PTPRD: variants seen among roughly 807,000 people sequenced by gnomAD.
PTPRD encodes protein tyrosine phosphatase receptor type D.
PTPRD carries 34 observed loss-of-function variants against 214.5 expected under a neutral mutation model. That is an observed-to-expected ratio of 0.16 (90% CI 0.12 to 0.21). The LOEUF is 0.21. PTPRD is among the 10% of genes least tolerant of loss of function. The pLI, the probability that PTPRD is intolerant of heterozygous loss-of-function variation, is 1.00. For missense variants in PTPRD, 2,545 were observed against 2,398.7 expected (o/e 1.06, Z -1.27); for synonymous variants, 1,128 against 845.7 (o/e 1.33, Z -5.79).
chr9:10,270,339 T>G (rs2475357), intron 3 of PTPRD, among the ~76,000 whole-genome samples: 84,796 of 151,972 alleles, frequency 0.56, 25,404 homozygotes, highest in Non-Finnish European at 0.68. Flanking sequence ...AATAGGATGT[T>G]ATAAGGCAAT....
intron 14 of PTPRD, among the ~76,000 whole-genome samples, chr9:8,607,640 C>T (rs564335061): frequency 2.2e-4 from 33 of 152,002 alleles, no homozygotes; most frequent in African/African-American, 7.7e-4. Context: ...GAGATTCTGT[C>T]TCGGAAAAAA....
intron 10 of PTPRD, among the ~76,000 whole-genome samples, chr9:9,152,860 G>A (rs578057625): frequency 6.6e-6 from 1 of 152,134 alleles, no homozygotes; most frequent in Admixed American, 6.6e-5. Context: ...TAGAATCTTC[G>A]TGAACCAGAA....
At position 8,933,033 on chromosome 9, in the gene PTPRD, C is replaced by T. The variant is rs567188585; in HGVS notation, c.-104+85664G>A. Among the ~76,000 whole-genome samples the T allele has an allele frequency of 9.9e-4, 150 of 152,090 alleles. 1 individual carries two copies. The highest frequency in any genetic ancestry group is 1.8e-3 in the Admixed American group (27 of 15,262). ...AGAGAATCTCCTGGTCTACAGGTTGCGAAGACCATGGGAAAAGCATAGTAT... is the reference window on the plus strand; with the variant it reads ...AGAGAATCTCCTGGTCTACAGGTTGTGAAGACCATGGGAAAAGCATAGTAT... On this transcript the variant is annotated intron_variant, in intron 11 of 45. Coordinates refer to ENST00000381196, the MANE Select transcript of PTPRD (RefSeq NM_002839.4).
intron 11 of PTPRD, among the ~76,000 whole-genome samples, chr9:8,911,912 T>A (rs1280174532): frequency 6.6e-6 from 1 of 152,152 alleles, no homozygotes; most frequent in Non-Finnish European, 1.5e-5. Flanking sequence ...AAATTCTCGC[T>A]TCGTTAGTCA....
rs1404435157 is a variant in PTPRD at position 8,499,450 on chromosome 9, T to C, written c.2322+197A>G. Among the ~76,000 whole-genome samples the C allele has an allele frequency of 2.6e-5, 4 of 152,218 alleles. No individual in the cohort carries two copies. In the East Asian group the frequency reaches 7.7e-4, roughly 29 times the overall value. On this transcript the variant is annotated intron_variant, in intron 25 of 45. Transcript: ENST00000381196. ...ACATGTTTTTAATCAGACTTGAGTG[T>C]CATTTCATTACAATTCCCTTCCTCA...
At chr9:8,668,452 A>G (rs750130439) in intron 12 of PTPRD, among the ~76,000 whole-genome samples, 5 of 152,216 alleles carry the variant, frequency 3.3e-5, no homozygotes, top group Non-Finnish European at 5.9e-5. Flanking sequence ...TTCCTCTTTC[A>G]GGCAACTGCA....
Position 9,595,056 on chromosome 9 carries a change from G to C in PTPRD, c.-286-20275C>G, listed in dbSNP as rs377663998. On this transcript the variant is annotated intron_variant, in intron 7 of 45. Transcript: ENST00000381196. ...ATGCAATACTACCTTACTCCAGCAA[G>C]AATGGTCATCATTAACAATTCAAAA... is the stretch of plus-strand genomic sequence containing the variant. Among the ~76,000 whole-genome samples, 120 of 151,956 alleles carry C rather than the reference G, an allele frequency of 7.9e-4. 1 individual carries two copies. Among genetic ancestry groups the C allele is most frequent in the African/African-American group, 2.8e-3 (118 of 41,494 alleles).
chr9:10,543,130 C>G (rs1055880924), intron 2 of PTPRD, among the ~76,000 whole-genome samples: 3 of 151,974 alleles, frequency 2.0e-5, no homozygotes, highest in Non-Finnish European at 4.4e-5. Flanking sequence ...GGTGATCCAC[C>G]CTCCTTGGCC....
intron 39 of PTPRD, among the ~76,000 whole-genome samples, chr9:8,345,431 G>T (rs1024671255): frequency 2.6e-5 from 4 of 152,006 alleles, no homozygotes; most frequent in African/African-American, 4.8e-5. Context: ...GCCAAATATG[G>T]TGACTTTCCT....
intron 7 of PTPRD, among the ~76,000 whole-genome samples, chr9:9,594,249 T>G (rs529990576): frequency 6.6e-6 from 1 of 152,188 alleles, no homozygotes; most frequent in South Asian, 2.1e-4. Flanking sequence ...ATTCTATAGA[T>G]GGGCTATATA....
At chr9:10,326,030 G>A (rs549163151) in intron 3 of PTPRD, among the ~76,000 whole-genome samples, 1 of 151,640 alleles carries the variant, frequency 6.6e-6, no homozygotes, top group Non-Finnish European at 1.5e-5. Context: ...TGTCCAAACC[G>A]AGATTTTGAT....
chr9:9,166,968 C>A (rs1244058594), intron 10 of PTPRD, among the ~76,000 whole-genome samples: 1 of 152,060 alleles, frequency 6.6e-6, no homozygotes, highest in Non-Finnish European at 1.5e-5. Context: ...ACGCTCTTAG[C>A]TGAGTTAAGT....
chr9:8,602,589 G>A (rs2154278557), intron 14 of PTPRD, among the ~76,000 whole-genome samples: 1 of 152,260 alleles, frequency 6.6e-6, no homozygotes, highest in East Asian at 1.9e-4. Flanking sequence ...GTTTTTATCT[G>A]ACATAAAACC....
In PTPRD at chr9:9,722,882, T is replaced by A. The variant is rs369455010; in HGVS notation, c.-287+11651A>T. On this transcript the variant is annotated intron_variant, in intron 7 of 45. Transcript: ENST00000381196. ...TTCTATGCAAGTCATTTGCATTTTTTAAATTGGGTTGTCTTTTTATGTTTG... is the reference window on the plus strand; with the variant it reads ...TTCTATGCAAGTCATTTGCATTTTTAAAATTGGGTTGTCTTTTTATGTTTG... Among the ~76,000 whole-genome samples, 260 of 152,234 alleles carry A rather than the reference T, an allele frequency of 1.7e-3. 1 individual carries two copies. Among genetic ancestry groups the A allele is most frequent in the African/African-American group, 5.7e-3 (236 of 41,566 alleles).
At chr9:9,500,252 C>A (rs781285955) in intron 8 of PTPRD, among the ~76,000 whole-genome samples, 2 of 152,060 alleles carry the variant, frequency 1.3e-5, no homozygotes, top group Admixed American at 6.6e-5. Flanking sequence ...GAAAGTCACA[C>A]CAGGCTTGGC....
At chr9:9,670,364 G>C (rs1261716507) in intron 7 of PTPRD, among the ~76,000 whole-genome samples, 2 of 152,100 alleles carry the variant, frequency 1.3e-5, no homozygotes, top group Non-Finnish European at 2.9e-5. Flanking sequence ...GTTTTGTAAG[G>C]GGAGCAGAGC....
Position 9,035,466 on chromosome 9 carries a change from A to G in PTPRD, c.-142-16731T>C, listed in dbSNP as rs557991607. On this transcript the variant is annotated intron_variant, in intron 10 of 45. Transcript: ENST00000381196. ...AAGGGGAAGGTGCCCCCATCCTACA[A>G]TTTTCCATGGGAAGGCAGGAGCCTA... Among the ~76,000 whole-genome samples the G allele has an allele frequency of 7.9e-5, 12 of 152,040 alleles. No homozygotes were observed. In the East Asian group the frequency reaches 1.8e-3, roughly 22 times the overall value.
At chr9:8,823,924 G>A (rs1600975680) in intron 11 of PTPRD, among the ~76,000 whole-genome samples, 1 of 152,198 alleles carries the variant, frequency 6.6e-6, no homozygotes, top group Admixed American at 6.5e-5. Flanking sequence ...GTTATTTCTT[G>A]ATGATATGCT....
rs530229563 is a variant in PTPRD at position 9,190,716 on chromosome 9, C to A, written c.-202-7353G>T. On this transcript the variant is annotated intron_variant, in intron 9 of 45. Transcript: ENST00000381196. ...TTCTGCTCTTTACAAATTATCCAGT[C>A]TCAGGTATTTTGTTACAGCAGCATA... 1.4e-4 allele frequency among the ~76,000 whole-genome samples: 22 copies of A among 152,156 alleles called. 1 individual carries two copies. The highest frequency in any genetic ancestry group is 1.2e-3 in the South Asian group (6 of 4,818).
Sources: allele counts gnomAD v4.1 joint callset (sites outside exome capture counted in the v4.1 genomes callset), GRCh38; gene constraint gnomAD v4.1.1; transcripts MANE v1.5; gene names NCBI Gene and HGNC (gene_info 2026-07-23, HGNC 2026-07-21).